The following GBF1 variants were observed in gnomAD, a reference collection of about 807,000 sequenced individuals.
GBF1 encodes the protein Golgi-specific brefeldin A-resistance guanine nucleotide exchange factor 1.
In GBF1, 114 loss-of-function variants were observed where a neutral mutation model predicts 210.5. The ratio of observed to expected loss-of-function variants is 0.54; its 90% CI spans 0.47 to 0.63. The LOEUF is 0.63. Ranked by LOEUF, GBF1 falls within the 30% of genes least tolerant of loss-of-function variation. The pLI, the probability that GBF1 is intolerant of heterozygous loss-of-function variation, is 0.00. For synonymous variants in GBF1, 850 were observed against 889.2 expected, an observed-to-expected ratio of 0.96 and a Z score of 0.78; for missense variants, 1,851 against 2,357.7, an observed-to-expected ratio of 0.79 and a Z score of 4.45.
intron 9 of GBF1, 31 bp from the exon 10 acceptor site, chr10:102,358,475 T>G: frequency 6.7e-7 from 1 of 1,494,276 alleles, no homozygotes; most frequent in Non-Finnish European, 9.3e-7. Context: ...CTCTTTCTTC[T>G]CCTTCAAGCG....
At chr10:102,306,736 T>G (rs1014194499) in intron 3 of GBF1, among the ~76,000 whole-genome samples, 1 of 152,226 alleles carries the variant, frequency 6.6e-6, no homozygotes, top group Non-Finnish European at 1.5e-5. Flanking sequence ...GGCTGTCTCT[T>G]TAGATAGTTA....
chr10:102,379,691 T>A, intron 35 of GBF1, 40 bp downstream of exon 35: 1 of 1,611,818 alleles, frequency 6.2e-7, no homozygotes, highest in Non-Finnish European at 8.5e-7. Context: ...GTTCAAATCC[T>A]AAGAAAAGGA....
chr10:102,373,890 A>G (rs957850070), intron 29 of GBF1, among the ~76,000 whole-genome samples: 1 of 152,264 alleles, frequency 6.6e-6, no homozygotes, highest in African/African-American at 2.4e-5. Context: ...ATGACTTTCA[A>G]TAGGTGAATA....
intron 33 of GBF1, among the ~76,000 whole-genome samples, chr10:102,378,717 T>C (rs1376287933): frequency 6.6e-6 from 1 of 152,152 alleles, no homozygotes; most frequent in Admixed American, 6.5e-5. Flanking sequence ...GACTATTGCT[T>C]GGGCCCAGGA....
At chr10:102,236,110 A>G in the GBF1 span, among the ~76,000 whole-genome samples, 5 of 152,048 alleles carry the variant, frequency 3.3e-5, no homozygotes, top group Non-Finnish European at 5.9e-5. Flanking sequence ...CCTCTAGCCG[A>G]CTCACGTCCG....
chr10:102,311,959 C>G (rs2133991541), intron 3 of GBF1, among the ~76,000 whole-genome samples: 1 of 152,290 alleles, frequency 6.6e-6, no homozygotes, highest in South Asian at 2.1e-4. Flanking sequence ...TTTTAAATAT[C>G]TCTTCTATAA....
intron 3 of GBF1, among the ~76,000 whole-genome samples, chr10:102,286,703 C>G (rs1056347730): frequency 4.6e-5 from 7 of 152,108 alleles, no homozygotes; most frequent in African/African-American, 1.7e-4. Context: ...TTTATTCATA[C>G]AAATATCGGA....
At position 102,363,606 on chromosome 10, in the gene GBF1, G is replaced by C. The variant is rs1243865513; in HGVS notation, c.2018-104G>C. The C allele has an allele frequency of 1.7e-5, 14 of 846,910 alleles. No individual in the cohort carries two copies. Among genetic ancestry groups the C allele is most frequent in the Non-Finnish European group, 2.6e-5 (13 of 506,446 alleles). 52.5% of individuals were successfully genotyped at this position (846,910 alleles called of 1,614,324 possible). A position where few individuals can be genotyped will look rare whatever the true frequency, so the allele number is the denominator to read the frequency against. On this transcript the variant is annotated intron_variant, in intron 16 of 39. Coordinates refer to ENST00000369983, the MANE Select transcript of GBF1 (RefSeq NM_001377137.1). The surrounding 1 kb of genome is among the most constrained non-coding windows in gnomAD (Gnocchi z 4.2). Reference sequence around the variant, plus strand: ...GACTGGTGAGGACAAGATTTCTGAGGCTCCTTCTTGAAACTGGGGAGTATA... The same window carrying C: ...GACTGGTGAGGACAAGATTTCTGAGCCTCCTTCTTGAAACTGGGGAGTATA...
At chr10:102,269,778 G>A (rs2074214324) in intron 3 of GBF1, among the ~76,000 whole-genome samples, 1 of 152,076 alleles carries the variant, frequency 6.6e-6, no homozygotes. Context: ...GAGCTGATAT[G>A]GTATTACAAC....
At chr10:102,289,374 G>A (rs2076251090) in intron 3 of GBF1, among the ~76,000 whole-genome samples, 1 of 152,200 alleles carries the variant, frequency 6.6e-6, no homozygotes, top group Admixed American at 6.5e-5. Flanking sequence ...GTGGGTGGAA[G>A]TGTGGGGCAG....
chr10:102,270,887 G>T (rs2074338693), intron 3 of GBF1, among the ~76,000 whole-genome samples: 1 of 152,014 alleles, frequency 6.6e-6, no homozygotes, highest in Admixed American at 6.6e-5. Context: ...AGAGATGGGG[G>T]TCTCACTGTG....
intron 3 of GBF1, among the ~76,000 whole-genome samples, chr10:102,325,594 A>G (rs1011349127): frequency 6.6e-6 from 1 of 151,448 alleles, no homozygotes; most frequent in South Asian, 2.1e-4. Context: ...GAAGGACTAT[A>G]GGGCTTTCCT....
intron 3 of GBF1, among the ~76,000 whole-genome samples, chr10:102,328,464 G>C (rs922589152): frequency 6.6e-6 from 1 of 152,138 alleles, no homozygotes; most frequent in East Asian, 1.9e-4. Context: ...TCCAGCCAGG[G>C]TGACAGAGTG....
intron 3 of GBF1, among the ~76,000 whole-genome samples, chr10:102,275,062 A>G (rs550518928): frequency 6.9e-6 from 1 of 145,468 alleles, no homozygotes; most frequent in Non-Finnish European, 1.5e-5. Flanking sequence ...CCCAGGCTGG[A>G]GTGCAGTGGT....
intron 30 of GBF1, among the ~76,000 whole-genome samples, chr10:102,376,032 C>T (rs907547288): frequency 5.3e-5 from 8 of 151,948 alleles, no homozygotes; most frequent in African/African-American, 1.7e-4. Context: ...TGCCACCACT[C>T]CCTAGAGTGG....
intron 3 of GBF1, among the ~76,000 whole-genome samples, chr10:102,328,604 C>T (rs895363520): frequency 2.6e-5 from 4 of 152,124 alleles, no homozygotes; most frequent in African/African-American, 7.2e-5. Context: ...TCTGATAGTA[C>T]AGTAAGTGAG....
intron 3 of GBF1, among the ~76,000 whole-genome samples, chr10:102,310,081 C>T (rs942324849): frequency 6.6e-6 from 1 of 152,104 alleles, no homozygotes; most frequent in African/African-American, 2.4e-5. Flanking sequence ...TGGATAGTTA[C>T]GGTATTTAGG....
chr10:102,326,126 A>G (rs1208228594), intron 3 of GBF1, among the ~76,000 whole-genome samples: 1 of 152,138 alleles, frequency 6.6e-6, no homozygotes. Context: ...GTCTATTACT[A>G]TGGTTATAAT....
chr10:102,335,439 T>C (rs1213637879), intron 3 of GBF1, among the ~76,000 whole-genome samples: 1 of 152,238 alleles, frequency 6.6e-6, no homozygotes, highest in Non-Finnish European at 1.5e-5. Context: ...AGCAGAATCA[T>C]GGCACTTTTC....
Sources: gnomAD v4.1 joint callset for allele counts (sites outside exome capture counted in the v4.1 genomes callset) on GRCh38, gnomAD v4.1.1 for gene constraint, Gnocchi (gnomAD v3.1) non-coding constraint, MANE v1.5 for transcripts, NCBI Gene and HGNC (gene_info 2026-07-23, HGNC 2026-07-21) for gene names.